FTO: variants seen among roughly 807,000 people sequenced by gnomAD.
The protein encoded by FTO is FTO alpha-ketoglutarate dependent dioxygenase.
A neutral mutation model predicts 63.9 loss-of-function variants in FTO; 47 were observed. The observed-to-expected ratio is 0.74, with a 90% CI of 0.58 to 0.94. FTO has a LOEUF of 0.94. Ranked by LOEUF, FTO falls within the 40% of genes least tolerant of loss-of-function variation. The pLI is 0.00. For synonymous variants in FTO, 207 were observed against 224.4 expected (o/e 0.92, Z 0.69); for missense variants, 562 against 618.1 (o/e 0.91, Z 0.96).
In FTO at chr16:53,879,826, C is replaced by T. The variant is rs1032072193; in HGVS notation, c.976-18C>T. On this transcript the variant is annotated intron_variant, in intron 5 of 8. Transcript: ENST00000471389. Reference sequence around the variant, plus strand: ...TAGATTTTGCCCATAATTGTGATTGCTGGTTCTGTCTCAACAGTGCTCAAC... The same window carrying T: ...TAGATTTTGCCCATAATTGTGATTGTTGGTTCTGTCTCAACAGTGCTCAAC... 6.2e-7 allele frequency: 1 copy of T among 1,612,462 alleles called. No homozygotes were observed.
rs1180646257 is a variant in FTO, at chr16:54,119,822, A to G, written c.*7907A>G. 1.3e-5 allele frequency: 2 copies of G among 152,190 alleles called. No homozygotes were observed. Among genetic ancestry groups the G allele is most frequent in the African/African-American group, 4.8e-5 (2 of 41,456 alleles). 9.4% of individuals were successfully genotyped at this position (152,190 alleles called of 1,614,324 possible). ...TTGATTTCTCCCTGTGAGCAGCAAC[A>G]TAAGTTTGAAACTAACTGTGTATGA... On this transcript the variant is annotated 3_prime_UTR_variant, in exon 9 of 9. Transcript: ENST00000471389.
intron 8 of FTO, among the ~76,000 whole-genome samples, chr16:54,009,789 A>C (rs2084295787): frequency 1.3e-5 from 2 of 152,090 alleles, no homozygotes; most frequent in South Asian, 4.1e-4. Context: ...TGAATTCAGC[A>C]AGTCATCTCC....
In FTO at chr16:53,934,086, C is replaced by G; in HGVS notation, c.1341C>G (p.Asn447Lys). The G allele has an allele frequency of 6.2e-7, 1 of 1,614,136 alleles. No homozygotes were observed. The change falls in exon 8 of 9, where the codon AAC becomes AAG. Residue 447 changes from asparagine (N) to lysine (K), a missense_variant. Transcript: ENST00000471389. ...AILASLTARQ[N>K]LRREWHARCQ... ...TTGCCTCGCTCACTGCACGCCAGAA[C>G]CTGAGGAGAGAATGGCATGCCAGGT...
At position 53,881,834 on chromosome 16, in the gene FTO, G is replaced by A. The variant is rs9926406; in HGVS notation, c.1119+1847G>A. On this transcript the variant is annotated intron_variant, in intron 6 of 8. Coordinates refer to ENST00000471389, the MANE Select transcript of FTO (RefSeq NM_001080432.3). Reference sequence around the variant, plus strand: ...TATTGCTACTTTAAGTGGAAATCCAGTATCATTAGCCAAAAGAAAAAGTAT... The same window carrying A: ...TATTGCTACTTTAAGTGGAAATCCAATATCATTAGCCAAAAGAAAAAGTAT... Among the ~76,000 whole-genome samples the A allele has an allele frequency of 3.3e-3, 503 of 152,254 alleles. 6 individuals are homozygous for A. The highest frequency in any genetic ancestry group is 0.012 in the African/African-American group (482 of 41,544).
chr16:53,810,411 G>A lies in FTO; in HGVS notation c.123+194G>A, dbSNP rs538745058. On this transcript the variant is annotated intron_variant, in intron 2 of 8. Coordinates refer to ENST00000471389, the MANE Select transcript of FTO (RefSeq NM_001080432.3). ...TTTTTGCTGTGAATTTAATGCTTTA[G>A]CATAGTGACTGTTTTTATTTCCTCG... 3.3e-4 allele frequency among the ~76,000 whole-genome samples: 51 copies of A among 152,292 alleles called. 1 individual carries two copies. The Middle Eastern group carries it at 0.01, about 30-fold the overall frequency.
intron 2 of FTO, among the ~76,000 whole-genome samples, chr16:53,824,015 A>G (rs776753505): frequency 6.6e-5 from 10 of 152,248 alleles, no homozygotes; most frequent in Non-Finnish European, 1.5e-4. Context: ...TCTCTATTTT[A>G]GTCCAGACCA....
intron 7 of FTO, among the ~76,000 whole-genome samples, chr16:53,900,444 T>A (rs1315952682): frequency 6.6e-6 from 1 of 152,138 alleles, no homozygotes; most frequent in African/African-American, 2.4e-5. Flanking sequence ...AAATTCAGAA[T>A]CCTCTTCTCT....
intron 8 of FTO, among the ~76,000 whole-genome samples, chr16:54,090,700 G>A (rs1219733958): frequency 6.6e-6 from 1 of 152,182 alleles, no homozygotes; most frequent in Non-Finnish European, 1.5e-5. Flanking sequence ...GAAATGTAGT[G>A]AGTTAAAACA....
At chr16:53,830,460 C>T (rs1202293318) in intron 3 of FTO, among the ~76,000 whole-genome samples, 2 of 152,194 alleles carry the variant, frequency 1.3e-5, no homozygotes, top group Non-Finnish European at 2.9e-5. Context: ...TCAACAGTAA[C>T]TATTGGCTAC....
intron 8 of FTO, among the ~76,000 whole-genome samples, chr16:54,002,858 T>C (rs1021166952): frequency 9.2e-5 from 14 of 152,194 alleles, no homozygotes; most frequent in African/African-American, 3.4e-4. Context: ...TAGAAGACCC[T>C]TTTTAAAAGT....
intron 8 of FTO, among the ~76,000 whole-genome samples, chr16:53,972,137 C>A (rs1482131078): frequency 1.3e-5 from 2 of 152,106 alleles, no homozygotes; most frequent in African/African-American, 4.8e-5. Context: ...ACAACTACAA[C>A]AAATATTTAT....
At chr16:53,946,977 A>G (rs1459642466) in intron 8 of FTO, among the ~76,000 whole-genome samples, 1 of 152,228 alleles carries the variant, frequency 6.6e-6, no homozygotes, top group Non-Finnish European at 1.5e-5. Flanking sequence ...TATAACCTAC[A>G]AGACTGTTAC....
chr16:54,004,674 A>G (rs2084152629), intron 8 of FTO, among the ~76,000 whole-genome samples: 2 of 152,254 alleles, frequency 1.3e-5, no homozygotes, highest in African/African-American at 2.4e-5. Flanking sequence ...TCACACATAC[A>G]TGTGAGAATT....
intron 1 of FTO, among the ~76,000 whole-genome samples, chr16:53,809,434 T>C (rs1183733890): frequency 1.3e-5 from 2 of 152,074 alleles, no homozygotes; most frequent in Admixed American, 6.6e-5. Flanking sequence ...GATAGTACCA[T>C]AAAAGGATTT....
intron 1 of FTO, among the ~76,000 whole-genome samples, chr16:53,780,901 C>G (rs138555727): frequency 2.1e-3 from 326 of 152,250 alleles, no homozygotes; most frequent in African/African-American, 7.5e-3. Context: ...TTTATGGTTT[C>G]TGACACATTG....
intron 8 of FTO, among the ~76,000 whole-genome samples, chr16:54,037,863 T>C (rs2084978605): frequency 6.6e-6 from 1 of 152,238 alleles, no homozygotes; most frequent in Non-Finnish European, 1.5e-5. Flanking sequence ...CAACTAGGCT[T>C]GTTAGAATAG....
At chr16:54,059,774 ACT>A (rs1273155792) in intron 8 of FTO, among the ~76,000 whole-genome samples, 1 of 151,994 alleles carries the variant, frequency 6.6e-6, no homozygotes, top group Non-Finnish European at 1.5e-5. Flanking sequence ...CCTCAGAGCT[ACT>A]CTCTATCTGT....
intron 1 of FTO, among the ~76,000 whole-genome samples, chr16:53,708,866 A>G (rs566406949): frequency 4.6e-5 from 7 of 151,988 alleles, no homozygotes; most frequent in African/African-American, 1.4e-4. Flanking sequence ...TTTTTGTTGG[A>G]TTGTTTGTGT....
intron 8 of FTO, among the ~76,000 whole-genome samples, chr16:54,059,049 A>G (rs560741920): frequency 6.5e-4 from 99 of 152,360 alleles, no homozygotes; most frequent in African/African-American, 2.3e-3. Flanking sequence ...GACAATACAG[A>G]TGATAAAGAT....
Sources: allele counts gnomAD v4.1 joint callset (sites outside exome capture counted in the v4.1 genomes callset), GRCh38; gene constraint gnomAD v4.1.1; transcripts MANE v1.5; gene names NCBI Gene and HGNC (gene_info 2026-07-23, HGNC 2026-07-21).